Variants in FTCDNL1 observed in about 807,000 individuals in gnomAD.
The protein encoded by FTCDNL1 is formiminotransferase cyclodeaminase N-terminal like, also known as formiminotransferase N-terminal subdomain-containing protein.
Under a neutral mutation model 5.9 loss-of-function variants are expected in FTCDNL1, and 11 were observed. That is an observed-to-expected ratio of 1.87 (90% CI 1.18 to 3.10). The LOEUF (loss-of-function observed/expected upper bound fraction) is 3.10. Ranked by LOEUF, FTCDNL1 falls within the 30% of genes most tolerant of loss-of-function variation. The pLI is 0.00. For synonymous variants in FTCDNL1, 58 were observed against 24.8 expected (o/e 2.34, Z -3.99); for missense variants, 115 against 65.5 (o/e 1.76, Z -2.61).
rs1418043881 is a variant in FTCDNL1, at chr2:199,846,515, T to G, written c.116-345A>C. 2.0e-5 allele frequency among the ~76,000 whole-genome samples: 3 copies of G among 152,202 alleles called. No individual in the cohort carries two copies. In the South Asian group the frequency reaches 6.2e-4, roughly 32 times the overall value. On this transcript the variant is annotated intron_variant, in intron 2 of 4. Transcript: ENST00000420128. ...TCATATGGCTCTAAATCCTGTTCCT[T>G]ATCAATCTCATCACCTAGGCCTTGT...
At chr2:199,825,540 A>G (rs1024949670) in intron 3 of FTCDNL1, among the ~76,000 whole-genome samples, 5 of 152,218 alleles carry the variant, frequency 3.3e-5, no homozygotes, top group African/African-American at 1.2e-4. Flanking sequence ...AAGTCATAGT[A>G]GCAGATCCTT....
chr2:199,835,526 G>A (rs1702672708), intron 3 of FTCDNL1, among the ~76,000 whole-genome samples: 1 of 152,108 alleles, frequency 6.6e-6, no homozygotes, highest in Admixed American at 6.6e-5. Context: ...AGGTGGATGG[G>A]TTGGTGGGTG....
rs565112854 is a variant in FTCDNL1, at chr2:199,797,891, G to C, written c.212-37056C>G. Reference sequence around the variant, plus strand: ...TTAAAGAGTTTACAAGTAGATCATGGGGCATTTAAAAGACAGCCTGAATTT... The same window carrying C: ...TTAAAGAGTTTACAAGTAGATCATGCGGCATTTAAAAGACAGCCTGAATTT... On this transcript the variant is annotated intron_variant, in intron 3 of 3. Coordinates refer to the FTCDNL1 transcript ENST00000416668. Among the ~76,000 whole-genome samples, 5 of 152,274 alleles carry C rather than the reference G, an allele frequency of 3.3e-5. No individual in the cohort carries two copies. In the South Asian group the frequency reaches 1.0e-3, roughly 32 times the overall value.
intron 3 of FTCDNL1, among the ~76,000 whole-genome samples, chr2:199,785,076 C>T (rs1372530382): frequency 6.6e-6 from 1 of 152,006 alleles, no homozygotes; most frequent in Non-Finnish European, 1.5e-5. Context: ...GTTTGTTGCT[C>T]ACCCCGTTTG....
chr2:199,785,563 C>T (rs1337144713), intron 3 of FTCDNL1: 1 of 152,040 alleles, frequency 6.6e-6, no homozygotes, highest in African/African-American at 2.4e-5. Flanking sequence ...AAGTTGTAGT[C>T]CTTTTTACTT....
the FTCDNL1 span, among the ~76,000 whole-genome samples, chr2:199,739,397 T>C: frequency 6.6e-6 from 1 of 152,184 alleles, no homozygotes; most frequent in African/African-American, 2.4e-5. Context: ...GGGTAAAACT[T>C]AGAGTATATT....
At chr2:199,667,592 C>T in the FTCDNL1 span, among the ~76,000 whole-genome samples, 1 of 152,122 alleles carries the variant, frequency 6.6e-6, no homozygotes, top group Non-Finnish European at 1.5e-5. Context: ...GCTGAGATTG[C>T]ACCACTGCAC....
the FTCDNL1 span, among the ~76,000 whole-genome samples, chr2:199,721,795 TTGAC>T: frequency 2.0e-5 from 3 of 152,154 alleles, no homozygotes; most frequent in Non-Finnish European, 4.4e-5. Flanking sequence ...CTGTTGTTTC[TTGAC>T]TATTTAATAA....
chr2:199,717,240 A>G, the FTCDNL1 span, among the ~76,000 whole-genome samples: 1 of 152,226 alleles, frequency 6.6e-6, no homozygotes, highest in Non-Finnish European at 1.5e-5. Context: ...CATGTCGGGC[A>G]TCAGAGAAAT....
chr2:199,829,204 C>G (rs540810722), intron 3 of FTCDNL1, among the ~76,000 whole-genome samples: 27 of 152,238 alleles, frequency 1.8e-4, no homozygotes, highest in Middle Eastern at 3.4e-3. Context: ...TTTTTTCCCC[C>G]AATTTAAGAA....
chr2:199,799,321 C>T (rs953665650), intron 3 of FTCDNL1, among the ~76,000 whole-genome samples: 1 of 152,032 alleles, frequency 6.6e-6, no homozygotes, highest in Non-Finnish European at 1.5e-5. Flanking sequence ...AAGGAAAATA[C>T]ACAAAATCCT....
chr2:199,717,968 T>TAA, the FTCDNL1 span, among the ~76,000 whole-genome samples: 1 of 109,902 alleles, frequency 9.1e-6, no homozygotes, highest in Admixed American at 9.7e-5. Flanking sequence ...ATTCACTGCT[T>TAA]AAAAAAAACC....
the FTCDNL1 span, among the ~76,000 whole-genome samples, chr2:199,730,141 T>G: frequency 6.6e-6 from 1 of 152,300 alleles, no homozygotes; most frequent in Non-Finnish European, 1.5e-5. Context: ...GAAAACTGGC[T>G]AGACATATGC....
intron 3 of FTCDNL1, among the ~76,000 whole-genome samples, chr2:199,765,349 G>A (rs1258624788): frequency 6.6e-6 from 1 of 151,564 alleles, no homozygotes; most frequent in Non-Finnish European, 1.5e-5. Flanking sequence ...AGGGGAGCAA[G>A]AAGTATATGG....
intron 4 of FTCDNL1, chr2:199,819,240 C>T (rs1701534943): frequency 3.3e-6 from 1 of 301,124 alleles, no homozygotes; most frequent in African/African-American, 2.1e-5. Context: ...GGACACACCC[C>T]ACACCATTCA....
intron 3 of FTCDNL1, among the ~76,000 whole-genome samples, chr2:199,845,689 C>A (rs1262021351): frequency 1.3e-5 from 2 of 152,146 alleles, no homozygotes; most frequent in Non-Finnish European, 2.9e-5. Flanking sequence ...ATCTCAAGCT[C>A]CCAACCCAGA....
At chr2:199,735,131 A>AAAAAAC in the FTCDNL1 span, among the ~76,000 whole-genome samples, 2 of 151,490 alleles carry the variant, frequency 1.3e-5, no homozygotes, top group Non-Finnish European at 2.9e-5. Context: ...AAAAAAAAAA[A>AAAAAAC]AAAACCACAT....
downstream of FTCDNL1, among the ~76,000 whole-genome samples, chr2:199,806,990 C>A (rs1700760168): frequency 6.6e-6 from 1 of 152,166 alleles, no homozygotes. Context: ...ACATTGTCCA[C>A]CTTGTAGTAA....
the FTCDNL1 span, among the ~76,000 whole-genome samples, chr2:199,746,113 T>C: frequency 6.6e-6 from 1 of 152,226 alleles, no homozygotes; most frequent in Non-Finnish European, 1.5e-5. Context: ...TTTTTTACTC[T>C]ACCAAAATCA....
Sources: allele counts gnomAD v4.1 joint callset (sites outside exome capture counted in the v4.1 genomes callset), GRCh38; gene constraint gnomAD v4.1.1; transcripts MANE v1.5; gene names NCBI Gene and HGNC (gene_info 2026-07-23, HGNC 2026-07-21).